The following L3MBTL4 variants were observed in gnomAD, a reference collection of about 807,000 sequenced individuals.
The protein encoded by L3MBTL4 is L3MBTL histone methyl-lysine binding protein 4, also known as lethal(3)malignant brain tumor-like protein 4.
L3MBTL4 carries 70 observed loss-of-function variants against 84.5 expected under a neutral mutation model. The ratio of observed to expected loss-of-function variants is 0.83; its 90% CI spans 0.68 to 1.01. The LOEUF (loss-of-function observed/expected upper bound fraction) is 1.01, where lower values mean the gene tolerates loss of function less well. L3MBTL4 is among the 50% of genes least tolerant of loss of function. The pLI is 0.00. For synonymous variants in L3MBTL4, 274 were observed against 259.8 expected (o/e 1.05, Z -0.52); for missense variants, 715 against 754.8 (o/e 0.95, Z 0.62).
chr18:6,079,627 A>G (rs1361816986), intron 16 of L3MBTL4, among the ~76,000 whole-genome samples: 1 of 152,192 alleles, frequency 6.6e-6, no homozygotes. Flanking sequence ...AAAATTGTGT[A>G]TCTGTTTGAA....
At chr18:6,014,470 A>G (rs1447099231) in intron 16 of L3MBTL4, among the ~76,000 whole-genome samples, 1 of 152,214 alleles carries the variant, frequency 6.6e-6, no homozygotes, top group Admixed American at 6.5e-5. Context: ...GCAGAAAAGC[A>G]AAGCGTGCCC....
intron 13 of L3MBTL4, among the ~76,000 whole-genome samples, chr18:6,170,108 G>A (rs1373281663): frequency 6.6e-6 from 1 of 152,042 alleles, no homozygotes; most frequent in Non-Finnish European, 1.5e-5. Context: ...TTTTATAGAT[G>A]AGGAAACTGA....
At chr18:6,038,805 A>G (rs2056269030) in intron 16 of L3MBTL4, among the ~76,000 whole-genome samples, 1 of 152,248 alleles carries the variant, frequency 6.6e-6, no homozygotes, top group South Asian at 2.1e-4. Flanking sequence ...GCATGTTATC[A>G]TTAATTAGGT....
At chr18:6,390,666 A>C (rs2055009118) in intron 1 of L3MBTL4, among the ~76,000 whole-genome samples, 1 of 152,202 alleles carries the variant, frequency 6.6e-6, no homozygotes, top group Non-Finnish European at 1.5e-5. Context: ...ACACCACAGA[A>C]ATACAAAAAA....
rs1327647169 is a variant in L3MBTL4 at position 6,001,101 on chromosome 18, T to C, written c.1445-31539A>G. On this transcript the variant is annotated intron_variant, in intron 16 of 18. Transcript: ENST00000317931. ...GCCAACAATCTGGGTGCAACTTGCA[T>C]GTGGCTTTCAAGAACCAGGGTGGGC... 4.6e-5 allele frequency among the ~76,000 whole-genome samples: 7 copies of C among 152,232 alleles called. No individual in the cohort carries two copies. The East Asian group carries it at 1.3e-3, about 29-fold the overall frequency.
intron 1 of L3MBTL4, among the ~76,000 whole-genome samples, chr18:6,384,584 T>C (rs1211759676): frequency 6.6e-6 from 1 of 152,238 alleles, no homozygotes; most frequent in African/African-American, 2.4e-5. Flanking sequence ...AATGCCGCAA[T>C]GATTTTAAAA....
chr18:6,174,513 G>T (rs1001759913), intron 12 of L3MBTL4, among the ~76,000 whole-genome samples: 2 of 152,058 alleles, frequency 1.3e-5, no homozygotes, highest in African/African-American at 2.4e-5. Context: ...GATTGGAGAT[G>T]GCAGAAAAAC....
At chr18:6,260,161 G>C (rs940545578) in intron 5 of L3MBTL4, 7 of 152,020 alleles carry the variant, frequency 4.6e-5, no homozygotes, top group South Asian at 4.1e-4. Flanking sequence ...ATGTGTTTTT[G>C]TACCAGTACC....
In L3MBTL4 at chr18:6,005,335, G is replaced by C. The variant is rs1047391383; in HGVS notation, c.1445-35773C>G. Among the ~76,000 whole-genome samples the C allele has an allele frequency of 7.2e-5, 5 of 69,386 alleles. 1 individual carries two copies. The highest frequency in any genetic ancestry group is 6.4e-4 in the Admixed American group (5 of 7,796). The allele number at this position is 69,386 out of a possible 152,430, so 45.5% of individuals were successfully genotyped here. On this transcript the variant is annotated intron_variant, in intron 16 of 18. Transcript: ENST00000317931. ...TACTCCAGCCTGGGCGACACAGTGAGACACTGTCTCACAAACACAACAAAA... is the reference window on the plus strand; with the variant it reads ...TACTCCAGCCTGGGCGACACAGTGACACACTGTCTCACAAACACAACAAAA...
At chr18:6,386,166 G>T (rs1027764249) in intron 1 of L3MBTL4, among the ~76,000 whole-genome samples, 1 of 152,182 alleles carries the variant, frequency 6.6e-6, no homozygotes, top group African/African-American at 2.4e-5. Flanking sequence ...CTAGGAGATT[G>T]GAGGTTTCAC....
At chr18:6,071,760 AAAAAGAAAGAAAGAAAGAAAG>A (rs2057637052) in intron 16 of L3MBTL4, among the ~76,000 whole-genome samples, 1 of 77,894 alleles carries the variant, frequency 1.3e-5, no homozygotes. Context: ...AAAGAAAGAA[AAAAAGAAAGAAAGAAAGAAAG>A]AAAGAAAGAA....
intron 18 of L3MBTL4, among the ~76,000 whole-genome samples, chr18:5,957,402 A>G (rs958601042): frequency 6.6e-6 from 1 of 152,202 alleles, no homozygotes; most frequent in Non-Finnish European, 1.5e-5. Context: ...TAAATTAAAA[A>G]GATATTACAG....
chr18:6,339,607 A>C (rs1374843895), intron 1 of L3MBTL4, among the ~76,000 whole-genome samples: 1 of 152,176 alleles, frequency 6.6e-6, no homozygotes, highest in Non-Finnish European at 1.5e-5. Flanking sequence ...ATAAGAGAAA[A>C]TATCAATGGA....
intron 16 of L3MBTL4, among the ~76,000 whole-genome samples, chr18:6,045,822 C>A (rs916293038): frequency 1.3e-5 from 2 of 152,166 alleles, no homozygotes; most frequent in Admixed American, 1.3e-4. Context: ...AAAGCAACCA[C>A]ACAATAGGAA....
intron 10 of L3MBTL4, among the ~76,000 whole-genome samples, chr18:6,224,038 A>C (rs1398836801): frequency 1.3e-5 from 2 of 152,224 alleles, no homozygotes; most frequent in African/African-American, 2.4e-5. Flanking sequence ...GGGTGGAAGG[A>C]GAAACCAAGG....
At chr18:6,328,849 G>A (rs905190036) in intron 1 of L3MBTL4, among the ~76,000 whole-genome samples, 6 of 152,164 alleles carry the variant, frequency 3.9e-5, no homozygotes, top group African/African-American at 1.4e-4. Context: ...GCAAATCACA[G>A]CCTCATGAAG....
chr18:6,150,532 A>C (rs1303498666), intron 13 of L3MBTL4, among the ~76,000 whole-genome samples: 2 of 152,084 alleles, frequency 1.3e-5, no homozygotes, highest in Non-Finnish European at 2.9e-5. Flanking sequence ...CTCTACAATT[A>C]ATGACATTTC....
chr18:6,189,750 T>A (rs1230878980), intron 12 of L3MBTL4, among the ~76,000 whole-genome samples: 1 of 152,148 alleles, frequency 6.6e-6, no homozygotes, highest in Non-Finnish European at 1.5e-5. Flanking sequence ...TAAGAATTCA[T>A]TAAATGTGTT....
At chr18:6,354,602 A>G (rs1568543626) in intron 1 of L3MBTL4, among the ~76,000 whole-genome samples, 1 of 152,214 alleles carries the variant, frequency 6.6e-6, no homozygotes, top group African/African-American at 2.4e-5. Context: ...TAATAATCCA[A>G]TTTAAAAATG....
Sources: gnomAD v4.1 joint callset for allele counts (sites outside exome capture counted in the v4.1 genomes callset) on GRCh38, gnomAD v4.1.1 for gene constraint, MANE v1.5 for transcripts, NCBI Gene and HGNC (gene_info 2026-07-23, HGNC 2026-07-21) for gene names.